The following CDH6 variants were observed in gnomAD, a reference collection of about 807,000 sequenced individuals.
CDH6 encodes the protein cadherin 6, also known as cadherin-6.
In CDH6, 31 loss-of-function variants were observed where a neutral mutation model predicts 78.0. The observed-to-expected ratio is 0.40, with a 90% confidence interval of 0.30 to 0.54. CDH6 has a LOEUF of 0.54. Ranked by LOEUF, CDH6 falls within the 20% of genes least tolerant of loss-of-function variation. The probability of loss-of-function intolerance (pLI) is 0.56; values close to 1 mark genes in which losing one functional copy is unlikely to be tolerated. For missense variants in CDH6, 724 were observed against 975.9 expected (o/e 0.74, Z 3.44); for synonymous variants, 376 against 368.8 (o/e 1.02, Z -0.23).
chr5:31,199,463 TATACACACAC>T lies in CDH6; in HGVS notation c.-129+5581_-129+5590del, dbSNP rs1263485778. Among the ~76,000 whole-genome samples the T allele has an allele frequency of 6.5e-4, 61 of 93,702 alleles. 1 individual carries two copies. Among genetic ancestry groups the T allele is most frequent in the African/African-American group, 2.1e-3 (60 of 27,934 alleles). 61.5% of individuals were successfully genotyped at this position (93,702 alleles called of 152,430 possible). On this transcript the variant is annotated intron_variant, in intron 1 of 11. Transcript: ENST00000265071. ...ATATATACACACACATATGTGTATA[TATACACACAC>T]ATATGTGTATATATGTACACACACA... is the stretch of plus-strand genomic sequence containing the variant.
At chr5:31,289,359 T>C (rs1238451550) in intron 2 of CDH6, among the ~76,000 whole-genome samples, 1 of 152,188 alleles carries the variant, frequency 6.6e-6, no homozygotes, top group African/African-American at 2.4e-5. Context: ...ATTTTCTTTA[T>C]CCAGTCAACT....
At chr5:31,221,290 T>TA in intron 1 of CDH6, among the ~76,000 whole-genome samples, 1 of 152,288 alleles carries the variant, frequency 6.6e-6, no homozygotes, top group South Asian at 2.1e-4. Context: ...TTCTTTTCCT[T>TA]ACATACCAGT....
chr5:31,281,160 C>G (rs923913565), intron 2 of CDH6, among the ~76,000 whole-genome samples: 1 of 152,094 alleles, frequency 6.6e-6, no homozygotes, highest in Non-Finnish European at 1.5e-5. Flanking sequence ...TTTTACCTTT[C>G]AGGAAGAACA....
chr5:31,244,209 T>C (rs1164939996), intron 1 of CDH6, among the ~76,000 whole-genome samples: 1 of 152,212 alleles, frequency 6.6e-6, no homozygotes, highest in Non-Finnish European at 1.5e-5. Context: ...TTGAAACTTA[T>C]TATCAAGACA....
rs148558546 is a variant in CDH6 at position 31,202,532 on chromosome 5, G to A, written c.-129+8646G>A. Among the ~76,000 whole-genome samples, 799 of 152,034 alleles carry A rather than the reference G, an allele frequency of 5.3e-3. 7 individuals carry two copies. Among genetic ancestry groups the A allele is most frequent in the African/African-American group, 0.018 (757 of 41,472 alleles). The stretch of plus-strand genomic sequence containing the variant: ...GGCACCTATAATCCCAGCTACTCAG[G>A]AGGCTGAGAGGGAGAATCGCTGGAA... On this transcript the variant is annotated intron_variant, in intron 1 of 11. Transcript: ENST00000265071.
At chr5:31,247,452 G>A (rs1741782894) in intron 1 of CDH6, among the ~76,000 whole-genome samples, 1 of 152,146 alleles carries the variant, frequency 6.6e-6, no homozygotes, top group African/African-American at 2.4e-5. Flanking sequence ...CTTCTATCTG[G>A]TGGCATATTG....
chr5:31,303,672 A>G lies in CDH6; in HGVS notation c.999+1374A>G, dbSNP rs531674003. Among the ~76,000 whole-genome samples the G allele has an allele frequency of 1.4e-4, 21 of 152,324 alleles. No individual in the cohort carries two copies. The South Asian group carries it at 4.1e-3, about 30-fold the overall frequency. On this transcript the variant is annotated intron_variant, in intron 6 of 11. Transcript: ENST00000265071. ...TCTTATGATTTCACTTTTATCATGT[A>G]TGGTGTAATATTTTCTCTCTCCTTT...
In CDH6 at chr5:31,241,118, A is replaced by T. The variant is rs1221590238; in HGVS notation, c.-128-26228A>T. ...TCTAACCCCTCATCATCAGGTACAGAGAGGAGAAAATGGACAAAGCAAGTG... is the reference window on the plus strand; with the variant it reads ...TCTAACCCCTCATCATCAGGTACAGTGAGGAGAAAATGGACAAAGCAAGTG... On this transcript the variant is annotated intron_variant, in intron 1 of 11. Transcript: ENST00000265071. Among the ~76,000 whole-genome samples, 5 of 152,292 alleles carry T rather than the reference A, an allele frequency of 3.3e-5. No homozygotes were observed. In the East Asian group the frequency reaches 9.7e-4, roughly 29 times the overall value.
intron 2 of CDH6, among the ~76,000 whole-genome samples, chr5:31,276,690 G>A (rs1290535308): frequency 6.6e-6 from 1 of 152,164 alleles, no homozygotes; most frequent in Non-Finnish European, 1.5e-5. Context: ...GCTAGAGAGT[G>A]TAAGTCCATA....
chr5:31,261,320 C>A (rs1742206460), intron 1 of CDH6, among the ~76,000 whole-genome samples: 1 of 152,156 alleles, frequency 6.6e-6, no homozygotes, highest in Admixed American at 6.6e-5. Context: ...CAGCTGTTTT[C>A]TACTTCCTTA....
At chr5:31,300,438 T>C (rs762671762) in intron 5 of CDH6, among the ~76,000 whole-genome samples, 58 of 152,178 alleles carry the variant, frequency 3.8e-4, no homozygotes, top group Non-Finnish European at 7.3e-4. Flanking sequence ...GAGCTATACA[T>C]GGATCAATAG....
At chr5:31,201,953 A>G (rs919104887) in intron 1 of CDH6, among the ~76,000 whole-genome samples, 5 of 152,234 alleles carry the variant, frequency 3.3e-5, no homozygotes, top group Admixed American at 1.3e-4. Flanking sequence ...ATGCTTTGCC[A>G]AGCTCATGGC....
chr5:31,206,805 T>A (rs768130186), intron 1 of CDH6, among the ~76,000 whole-genome samples: 2 of 152,184 alleles, frequency 1.3e-5, no homozygotes, highest in East Asian at 3.8e-4. Context: ...TAGCTTTGAG[T>A]TTCATGATTT....
chr5:31,283,684 T>C (rs1012625907), intron 2 of CDH6, among the ~76,000 whole-genome samples: 1 of 150,462 alleles, frequency 6.6e-6, no homozygotes, highest in Non-Finnish European at 1.5e-5. Flanking sequence ...AATTAAATCA[T>C]TTCTACTATA....
intron 1 of CDH6, among the ~76,000 whole-genome samples, chr5:31,218,639 G>A (rs1740929656): frequency 6.6e-6 from 1 of 152,040 alleles, no homozygotes; most frequent in Non-Finnish European, 1.5e-5. Flanking sequence ...AATATGTCCA[G>A]AATCCATTTC....
intron 2 of CDH6, among the ~76,000 whole-genome samples, chr5:31,288,245 A>G (rs537292835): frequency 1.2e-4 from 18 of 152,338 alleles, no homozygotes; most frequent in Admixed American, 1.0e-3. Flanking sequence ...ACCTGCCACA[A>G]TCATATGCTG....
chr5:31,255,386 A>T (rs1742028604), intron 1 of CDH6, among the ~76,000 whole-genome samples: 4 of 152,272 alleles, frequency 2.6e-5, no homozygotes, highest in Non-Finnish European at 2.9e-5. Context: ...TCACATATTT[A>T]AACATGTATT....
Position 31,327,512 on chromosome 5 carries a change from G to C in CDH6, c.*4204G>C. 1 of 191,540 alleles carries C rather than the reference G, an allele frequency of 5.2e-6. No individual in the cohort carries two copies. The highest frequency in any genetic ancestry group is 1.1e-5 in the Non-Finnish European group (1 of 91,574). The allele number at this position is 191,540 out of a possible 1,614,324, so 11.9% of individuals were successfully genotyped here. A position where few individuals can be genotyped will look rare whatever the true frequency, so the allele number is the denominator to read the frequency against. On this transcript the variant is annotated 3_prime_UTR_variant, in exon 12 of 12. Transcript: ENST00000265071. Reference sequence around the variant, plus strand: ...GTTTGAATTGTGATATTATAAAAGGGGACTCAAAAATCCAAGCAGTCTACT... The same window carrying C: ...GTTTGAATTGTGATATTATAAAAGGCGACTCAAAAATCCAAGCAGTCTACT...
At chr5:31,312,815 T>C (rs749812852) in intron 7 of CDH6, among the ~76,000 whole-genome samples, 1 of 152,140 alleles carries the variant, frequency 6.6e-6, no homozygotes, top group Admixed American at 6.6e-5. Flanking sequence ...CTCACCAATG[T>C]CATCTCCTAT....
Sources: allele counts gnomAD v4.1 joint callset (sites outside exome capture counted in the v4.1 genomes callset), GRCh38; gene constraint gnomAD v4.1.1; transcripts MANE v1.5; gene names NCBI Gene and HGNC (gene_info 2026-07-23, HGNC 2026-07-21).